Variants in COPA observed in about 807,000 individuals in gnomAD.
COPA encodes the protein coatomer subunit alpha.
A neutral mutation model predicts 158.7 loss-of-function variants in COPA; 10 were observed. That is an observed-to-expected ratio of 0.06 (90% CI 0.04 to 0.11). COPA has a LOEUF of 0.11. Ranked by LOEUF, COPA falls within the 10% of genes least tolerant of loss-of-function variation. COPA has a pLI of 1.00. For missense variants in COPA, 1,065 were observed against 1,536.7 expected (o/e 0.69, Z 5.13); for synonymous variants, 462 against 542.8 (o/e 0.85, Z 2.07).
chr1:160,333,519 G>C, intron 5 of COPA, 84 bp downstream of exon 5: 1 of 949,678 alleles, frequency 1.1e-6, no homozygotes, highest in East Asian at 2.5e-5. Context: ...ATTTGAGAAG[G>C]GAGAAGATTG....
rs41265795 is a variant in COPA, at chr1:160,297,272, A to G, written c.2263+71T>C. On this transcript the variant is annotated intron_variant, in intron 21 of 32. Coordinates refer to ENST00000241704, the MANE Select transcript of COPA (RefSeq NM_004371.4). ...AGAGAAATCCCTCACCACTATACAC[A>G]GATTAACTCAACAAAAACAGAAAAA... 1.8e-3 allele frequency: 2,433 copies of G among 1,334,754 alleles called. 7 individuals are homozygous for G. The highest frequency in any genetic ancestry group is 2.3e-3 in the Non-Finnish European group (2,138 of 928,752). The allele number at this position is 1,334,754 out of a possible 1,614,324, so 82.7% of individuals were successfully genotyped here. A position where few individuals can be genotyped will look rare whatever the true frequency, so the allele number is the denominator to read the frequency against.
Position 160,289,073 on chromosome 1 carries a change from C to A in COPA, c.*1084G>T, listed in dbSNP as rs2101816040. On this transcript the variant is annotated 3_prime_UTR_variant, in exon 33 of 33. Coordinates refer to ENST00000241704, the MANE Select transcript of COPA (RefSeq NM_004371.4). ...GCAACCTCCGCCTCCCGGGTTCAAGCAATCCTCTGCCTCAGCCTCCAGAGT... is the reference window on the plus strand; with the variant it reads ...GCAACCTCCGCCTCCCGGGTTCAAGAAATCCTCTGCCTCAGCCTCCAGAGT... Among the ~76,000 whole-genome samples, 1 of 151,938 alleles carries A rather than the reference C, an allele frequency of 6.6e-6. No homozygotes were observed. The highest frequency in any genetic ancestry group is 2.1e-4 in the South Asian group (1 of 4,808).
chr1:160,299,300 G>A (rs1354457375), intron 17 of COPA, 36 bp from the exon 18 acceptor site: 1 of 1,573,470 alleles, frequency 6.4e-7, no homozygotes. Context: ...GTAAGTGAGA[G>A]GGAAAATCCA....
intron 21 of COPA, 130 bp from the exon 22 acceptor site, chr1:160,296,279 C>G (rs1238883440): frequency 7.2e-6 from 5 of 695,646 alleles, no homozygotes; most frequent in Non-Finnish European, 1.3e-5. Context: ...ATACCCACCT[C>G]TTAAGTGTGG....
intron 31 of COPA, 62 bp downstream of exon 31, chr1:160,291,273 C>G (rs1658221443): frequency 6.3e-7 from 1 of 1,580,788 alleles, no homozygotes; most frequent in Non-Finnish European, 8.6e-7. Context: ...GGACCTTGGT[C>G]TGCTCCCTCC....
intron 7 of COPA, among the ~76,000 whole-genome samples, chr1:160,324,858 T>C (rs1659441476): frequency 6.6e-6 from 1 of 152,230 alleles, no homozygotes; most frequent in Non-Finnish European, 1.5e-5. Flanking sequence ...GATTTTAAGA[T>C]ACTGTATACC....
intron 3 of COPA, among the ~76,000 whole-genome samples, chr1:160,337,258 A>C (rs1647819249): frequency 6.6e-6 from 1 of 152,218 alleles, no homozygotes; most frequent in African/African-American, 2.4e-5. Flanking sequence ...TACTCTGACC[A>C]TTTGCTGGGC....
chr1:160,323,629 T>C, intron 7 of COPA, 99 bp from the exon 8 acceptor site: 1 of 880,074 alleles, frequency 1.1e-6, no homozygotes, highest in Non-Finnish European at 1.7e-6. Flanking sequence ...CTCTGATTTA[T>C]TCTTCATGTG....
At position 160,330,159 on chromosome 1, in the gene COPA, A is replaced by G. The variant is rs187442841; in HGVS notation, c.496+2289T>C. Among the ~76,000 whole-genome samples, 340 of 152,044 alleles carry G rather than the reference A, an allele frequency of 2.2e-3. 4 individuals are homozygous for G. The highest frequency in any genetic ancestry group is 0.02 in the Admixed American group (300 of 15,272). On this transcript the variant is annotated intron_variant, in intron 6 of 32. Coordinates refer to ENST00000241704, the MANE Select transcript of COPA (RefSeq NM_004371.4). ...AAAATTGCCCCTGATCAGCTGGAAT[A>G]GCATGAATTGGGATCCAAGCCCATC...
intron 19 of COPA, 123 bp from the exon 20 acceptor site, chr1:160,297,868 CTAGCTTT>C: frequency 9.3e-7 from 1 of 1,075,598 alleles, no homozygotes; most frequent in Non-Finnish European, 1.3e-6. Context: ...TCAATTACTC[CTAGCTTT>C]TAGTCTAATT....
chr1:160,327,562 T>C (rs944242533), intron 6 of COPA, among the ~76,000 whole-genome samples: 1 of 119,074 alleles, frequency 8.4e-6, no homozygotes, highest in Non-Finnish European at 1.8e-5. Context: ...CCGTCTCAAA[T>C]TAAAAAAAAA....
At chr1:160,291,684 T>C (rs1265731244) in intron 30 of COPA, 135 bp downstream of exon 30, 1 of 1,089,220 alleles carries the variant, frequency 9.2e-7, no homozygotes, top group African/African-American at 1.8e-5. Flanking sequence ...AAATGTATCC[T>C]CCCCTCATAG....
At position 160,305,760 on chromosome 1, in the gene COPA, C is replaced by G. The variant is rs1383766227; in HGVS notation, c.1456G>C (p.Val486Leu). Residue 486 changes from valine (V) to leucine (L), a missense_variant, in exon 16 of 33, where the codon GTG (valine) becomes CTG (leucine). By Grantham distance (32) the Val-to-Leu change is conservative. Around this residue, in one of 2 missense-constraint regions of COPA, gnomAD observed 980 missense variants for 1,357.8 expected, o/e 0.72. Coordinates refer to ENST00000241704, the MANE Select transcript of COPA (RefSeq NM_004371.4). The stretch of plus-strand genomic sequence containing the variant: ...ACGTATTTCACTTTAGAAATCTTCA[C>G]AGATGCCAGAGTCCTGAGATAGATA... ...DVQQKRTLAS[V>L]KISKVKYVIW... 1.2e-6 allele frequency: 2 copies of G among 1,613,884 alleles called. No homozygotes were observed. Among genetic ancestry groups the G allele is most frequent in the African/African-American group, 2.7e-5 (2 of 74,910 alleles).
At chr1:160,337,348 C>T (rs1647823420) in intron 3 of COPA, among the ~76,000 whole-genome samples, 1 of 152,202 alleles carries the variant, frequency 6.6e-6, no homozygotes, top group Admixed American at 6.5e-5. Context: ...AGATGGTCCA[C>T]AGACATGACT....
chr1:160,305,343 T>C, intron 17 of COPA, 90 bp downstream of exon 17: 1 of 1,354,150 alleles, frequency 7.4e-7, no homozygotes, highest in South Asian at 1.3e-5. Flanking sequence ...ATGAAGAAAA[T>C]TCATGGAGGA....
intron 7 of COPA, among the ~76,000 whole-genome samples, chr1:160,324,228 A>G (rs1025748787): frequency 2.0e-5 from 3 of 151,614 alleles, no homozygotes; most frequent in Non-Finnish European, 2.9e-5. Context: ...TTATTTTAAG[A>G]AGTTTGCAAG....
In COPA at chr1:160,289,245, G is replaced by C. The variant is rs1377066384; in HGVS notation, c.*912C>G. The C allele has an allele frequency of 6.6e-6, 1 of 152,064 alleles. No individual in the cohort carries two copies. The highest frequency in any genetic ancestry group is 2.4e-5 in the African/African-American group (1 of 41,382). 9.4% of individuals were successfully genotyped at this position (152,064 alleles called of 1,614,324 possible). On this transcript the variant is annotated 3_prime_UTR_variant, in exon 33 of 33. Coordinates refer to ENST00000241704, the MANE Select transcript of COPA (RefSeq NM_004371.4). Reference sequence around the variant, plus strand: ...TGCCTGCATGGGTGAACAAGAACATGAGAGTGTCCAAGAAATAAATGGCCA... The same window carrying C: ...TGCCTGCATGGGTGAACAAGAACATCAGAGTGTCCAAGAAATAAATGGCCA...
chr1:160,328,383 AACAG>A (rs1197783370), intron 6 of COPA, among the ~76,000 whole-genome samples: 1 of 152,244 alleles, frequency 6.6e-6, no homozygotes, highest in African/African-American at 2.4e-5. Flanking sequence ...GAAGGGCAAA[AACAG>A]ACAGATGAAT....
intron 17 of COPA, among the ~76,000 whole-genome samples, chr1:160,302,481 T>G (rs1658642783): frequency 6.6e-6 from 1 of 151,506 alleles, no homozygotes. Flanking sequence ...ATCCCCCAAC[T>G]GATGTAGAGA....
Sources: allele counts gnomAD v4.1 joint callset (sites outside exome capture counted in the v4.1 genomes callset), GRCh38; gene constraint gnomAD v4.1.1; regional missense constraint gnomAD v4.1.1; transcripts MANE v1.5; gene names NCBI Gene and HGNC (gene_info 2026-07-23, HGNC 2026-07-21).